ASPRV1: variants seen among roughly 807,000 people sequenced by gnomAD.
The protein encoded by ASPRV1 is retroviral-like aspartic protease 1.
Under a neutral mutation model 11.0 loss-of-function variants are expected in ASPRV1, and 7 were observed. The observed-to-expected ratio is 0.64, with a 90% CI of 0.36 to 1.20. The LOEUF (loss-of-function observed/expected upper bound fraction) is 1.20. Among genes scored for constraint, ASPRV1 ranks in the 50% most tolerant of loss-of-function variants. The pLI, the probability that ASPRV1 is intolerant of heterozygous loss-of-function variation, is 0.02. For missense variants in ASPRV1, 299 were observed against 320.0 expected (o/e 0.93, Z 0.50); for synonymous variants, 136 against 138.4 (o/e 0.98, Z 0.12).
At chr2:69,938,491 A>G in the ASPRV1 span, 1 of 561,710 alleles carries the variant, frequency 1.8e-6, no homozygotes, top group African/African-American at 1.9e-5. Flanking sequence ...CGCCATAAAA[A>G]TTTGTCTCTG....
the ASPRV1 span, among the ~76,000 whole-genome samples, chr2:69,981,945 G>A: frequency 6.6e-6 from 1 of 152,120 alleles, no homozygotes; most frequent in East Asian, 1.9e-4. Flanking sequence ...CAGAGCAGGT[G>A]GCCATCTGCA....
the ASPRV1 span, among the ~76,000 whole-genome samples, chr2:69,999,909 C>G: frequency 6.6e-6 from 1 of 152,026 alleles, no homozygotes; most frequent in Non-Finnish European, 1.5e-5. Context: ...CTCTCCCACC[C>G]AAGGTCACCA....
At chr2:70,055,303 G>A in the ASPRV1 span, among the ~76,000 whole-genome samples, 10 of 151,986 alleles carry the variant, frequency 6.6e-5, no homozygotes, top group Middle Eastern at 3.4e-3. Flanking sequence ...GCAAGACTCC[G>A]TCTCAAAAAA....
the ASPRV1 span, among the ~76,000 whole-genome samples, chr2:69,947,941 A>G: frequency 6.6e-6 from 1 of 152,218 alleles, no homozygotes. Flanking sequence ...AACAGGAAGG[A>G]ATGCCACCCT....
the ASPRV1 span, among the ~76,000 whole-genome samples, chr2:70,004,549 A>G: frequency 6.6e-6 from 1 of 151,436 alleles, no homozygotes; most frequent in African/African-American, 2.4e-5. Flanking sequence ...AAAAAAAAAA[A>G]AAGAAGTGGG....
At chr2:70,059,113 C>T in the ASPRV1 span, among the ~76,000 whole-genome samples, 1 of 150,762 alleles carries the variant, frequency 6.6e-6, no homozygotes, top group Non-Finnish European at 1.5e-5. Flanking sequence ...AGGATGGTCT[C>T]ATCTCCTGAC....
the ASPRV1 span, among the ~76,000 whole-genome samples, chr2:69,981,818 C>CA: frequency 1.3e-5 from 2 of 152,190 alleles, no homozygotes; most frequent in African/African-American, 4.8e-5. Context: ...CTTGGCCTCC[C>CA]AAAGTGCTGG....
the ASPRV1 span, chr2:70,003,036 C>G: frequency 6.6e-6 from 1 of 152,230 alleles, no homozygotes; most frequent in African/African-American, 2.4e-5. Flanking sequence ...TCTCTGCAAT[C>G]AGCACTCACT....
chr2:69,962,893 G>C, upstream of ASPRV1: 1 of 200,696 alleles, frequency 5.0e-6, no homozygotes, highest in East Asian at 1.1e-4. Flanking sequence ...GGACCCAGGG[G>C]CTCTTTGCTG....
At chr2:70,015,983 G>A in the ASPRV1 span, 1 of 151,806 alleles carries the variant, frequency 6.6e-6, no homozygotes, top group African/African-American at 2.4e-5. Context: ...ATAATAGTAG[G>A]AGACTTCAAT....
At chr2:69,982,772 T>C in the ASPRV1 span, among the ~76,000 whole-genome samples, 8 of 152,252 alleles carry the variant, frequency 5.3e-5, no homozygotes, top group East Asian at 1.5e-3. Flanking sequence ...ACCTTAGGCC[T>C]CTGAAGTGTG....
the ASPRV1 span, among the ~76,000 whole-genome samples, chr2:70,066,324 C>T: frequency 2.6e-5 from 4 of 151,894 alleles, no homozygotes; most frequent in Admixed American, 1.3e-4. Flanking sequence ...CTGCAACCTC[C>T]ACCTCCCAGG....
the ASPRV1 span, among the ~76,000 whole-genome samples, chr2:69,935,730 A>G: frequency 6.6e-6 from 1 of 152,288 alleles, no homozygotes; most frequent in South Asian, 2.1e-4. Flanking sequence ...CTCCTTAACC[A>G]TATATCTAGG....
chr2:70,060,340 CA>C, the ASPRV1 span, among the ~76,000 whole-genome samples: 1,557 of 52,684 alleles, frequency 0.03, 25 homozygotes, highest in African/African-American at 0.078. Context: ...GACTCCATCT[CA>C]AAAAAAAAAA....
At chr2:70,017,934 ATT>A in the ASPRV1 span, 1 of 151,996 alleles carries the variant, frequency 6.6e-6, no homozygotes, top group South Asian at 2.1e-4. Flanking sequence ...GAGCTCAGGA[ATT>A]TGAGACCACA....
the ASPRV1 span, among the ~76,000 whole-genome samples, chr2:70,015,145 C>T: frequency 6.6e-6 from 1 of 152,106 alleles, no homozygotes; most frequent in Non-Finnish European, 1.5e-5. Flanking sequence ...CTATATGTGG[C>T]CTATGAAGAT....
chr2:70,062,747 G>A, the ASPRV1 span, among the ~76,000 whole-genome samples: 5 of 152,240 alleles, frequency 3.3e-5, no homozygotes, highest in Non-Finnish European at 5.9e-5. Flanking sequence ...CTATGATCAC[G>A]CCTGTGAACA....
the ASPRV1 span, among the ~76,000 whole-genome samples, chr2:70,037,973 AT>A: frequency 6.6e-6 from 1 of 151,948 alleles, no homozygotes; most frequent in East Asian, 1.9e-4. Flanking sequence ...CTGTTTCTGG[AT>A]TTTCTAATCT....
the ASPRV1 span, among the ~76,000 whole-genome samples, chr2:70,021,839 A>T: frequency 3.5e-4 from 52 of 150,608 alleles, no homozygotes; most frequent in African/African-American, 1.2e-3. Flanking sequence ...AGTAGCTGGG[A>T]CTACAGGAGT....
Sources: gnomAD v4.1 joint callset for allele counts (sites outside exome capture counted in the v4.1 genomes callset) on GRCh38, gnomAD v4.1.1 for gene constraint, MANE v1.5 for transcripts, NCBI Gene and HGNC (gene_info 2026-07-23, HGNC 2026-07-21) for gene names.